Variants in UNC13C observed in about 807,000 individuals in gnomAD.
UNC13C encodes the protein unc-13 homolog C.
UNC13C carries 174 observed loss-of-function variants against 245.4 expected under a neutral mutation model. That is an observed-to-expected ratio of 0.71 (90% CI 0.63 to 0.80). The LOEUF (loss-of-function observed/expected upper bound fraction) is 0.80. Ranked by LOEUF, UNC13C falls within the 30% of genes least tolerant of loss-of-function variation. The pLI is 0.00. For synonymous variants in UNC13C, 992 were observed against 895.1 expected, an observed-to-expected ratio of 1.11 and a Z score of -1.93; for missense variants, 2,829 against 2,602.9, an observed-to-expected ratio of 1.09 and a Z score of -1.89.
At chr15:54,211,519 A>G (rs1279287763) in intron 4 of UNC13C, among the ~76,000 whole-genome samples, 1 of 152,100 alleles carries the variant, frequency 6.6e-6, no homozygotes, top group Non-Finnish European at 1.5e-5. Context: ...GTTTCAAGCT[A>G]TCAATGTGAT....
At chr15:54,392,129 T>C (rs1449826678) in intron 17 of UNC13C, among the ~76,000 whole-genome samples, 1 of 152,222 alleles carries the variant, frequency 6.6e-6, no homozygotes. Context: ...CGAAAATGTA[T>C]CTCTGCCTAT....
intron 18 of UNC13C, among the ~76,000 whole-genome samples, chr15:54,400,411 G>A (rs1349475339): frequency 1.3e-5 from 2 of 151,954 alleles, no homozygotes; most frequent in African/African-American, 4.8e-5. Context: ...AAGAAGCTAT[G>A]TTCATTATCC....
At chr15:54,452,975 A>C (rs2141011289) in intron 19 of UNC13C, among the ~76,000 whole-genome samples, 1 of 152,262 alleles carries the variant, frequency 6.6e-6, no homozygotes, top group East Asian at 1.9e-4. Flanking sequence ...AAGGGTGTGG[A>C]AATGCAGAGG....
chr15:53,839,773 T>C, the UNC13C span, among the ~76,000 whole-genome samples: 2 of 152,196 alleles, frequency 1.3e-5, no homozygotes, highest in Admixed American at 1.3e-4. Context: ...GGATTGATCA[T>C]TGTTGCTCTG....
chr15:54,219,589 A>G (rs62010025), intron 4 of UNC13C, among the ~76,000 whole-genome samples: 45,808 of 137,276 alleles, frequency 0.33, 7,656 homozygotes, highest in African/African-American at 0.51. Context: ...AAAAGCCAAA[A>G]TTGACAAATG....
chr15:54,377,616 C>T (rs1395520043), intron 17 of UNC13C, among the ~76,000 whole-genome samples: 1 of 152,192 alleles, frequency 6.6e-6, no homozygotes, highest in African/African-American at 2.4e-5. Context: ...TTATTTCTCA[C>T]AGTTCTGAGG....
At chr15:53,869,759 C>T in the UNC13C span, among the ~76,000 whole-genome samples, 1 of 152,102 alleles carries the variant, frequency 6.6e-6, no homozygotes, top group Non-Finnish European at 1.5e-5. Flanking sequence ...CGCATTTATT[C>T]AGTATAGATT....
Position 54,013,640 on chromosome 15 carries a change from T to A in UNC13C, c.737T>A (p.Ile246Asn). The change falls in exon 2 of 33, where the codon ATC becomes AAC. Residue 246 changes from isoleucine to asparagine, a missense_variant. Coordinates refer to ENST00000260323, the MANE Select transcript of UNC13C (RefSeq NM_001080534.3). ...ISQTHDVMEM[I>N]FKELQGISQI... Reference sequence around the variant, plus strand: ...CAAACACATGATGTCATGGAAATGATCTTTAAGGAACTTCAGGGAATAAGT... The same window carrying A: ...CAAACACATGATGTCATGGAAATGAACTTTAAGGAACTTCAGGGAATAAGT... 1.2e-6 allele frequency: 2 copies of A among 1,613,760 alleles called. No individual in the cohort carries two copies. The highest frequency in any genetic ancestry group is 1.7e-6 in the Non-Finnish European group (2 of 1,179,818).
intron 10 of UNC13C, among the ~76,000 whole-genome samples, chr15:54,276,873 C>A (rs1340725793): frequency 1.3e-5 from 2 of 151,994 alleles, no homozygotes; most frequent in South Asian, 2.1e-4. Context: ...AAGTTTTGAG[C>A]TACTTAAGGA....
intron 2 of UNC13C, among the ~76,000 whole-genome samples, chr15:54,112,338 T>C (rs564207525): frequency 2.0e-5 from 3 of 152,122 alleles, no homozygotes; most frequent in Non-Finnish European, 4.4e-5. Flanking sequence ...GGTCTTCCAG[T>C]CCCATCGTGA....
chr15:54,577,388 A>G (rs1296104243), intron 30 of UNC13C, among the ~76,000 whole-genome samples: 1 of 152,152 alleles, frequency 6.6e-6, no homozygotes, highest in East Asian at 1.9e-4. Context: ...TGTGCTAGGT[A>G]AATTACCATG....
At chr15:54,196,616 G>A (rs2034361727) in intron 4 of UNC13C, among the ~76,000 whole-genome samples, 1 of 152,040 alleles carries the variant, frequency 6.6e-6, no homozygotes, top group Non-Finnish European at 1.5e-5. Flanking sequence ...TTGTATAAAA[G>A]ACAATATATC....
chr15:53,858,130 T>C, the UNC13C span, among the ~76,000 whole-genome samples: 1 of 152,198 alleles, frequency 6.6e-6, no homozygotes, highest in African/African-American at 2.4e-5. Flanking sequence ...TTTCTTCATT[T>C]TTGATATGTA....
chr15:54,040,946 C>T (rs115674997), intron 2 of UNC13C, among the ~76,000 whole-genome samples: 1,824 of 152,316 alleles, frequency 0.012, 43 homozygotes, highest in African/African-American at 0.042. Flanking sequence ...ACCAACCCAG[C>T]ATACCCAATT....
chr15:54,539,609 C>T (rs1896153310), intron 26 of UNC13C, among the ~76,000 whole-genome samples: 1 of 152,044 alleles, frequency 6.6e-6, no homozygotes, highest in Non-Finnish European at 1.5e-5. Flanking sequence ...GATCCCAATT[C>T]ACTTCAACCT....
Position 54,533,034 on chromosome 15 carries a change from G to T in UNC13C, c.5664G>T (p.Val1888=). The change falls in exon 26 of 33, where the codon GTG becomes GTT. Residue 1888 remains valine (V), a synonymous_variant. Transcript: ENST00000260323. ...GTGCAGCAATGGATGCAGAGATTGTGTTAAGATCTCTTATGGATTTTTTGG... is the reference window on the plus strand; with the variant it reads ...GTGCAGCAATGGATGCAGAGATTGTTTTAAGATCTCTTATGGATTTTTTGG... The part of the protein sequence containing the change: ...KNSAAMDAEI[V]LRSLMDFLDK... 1 of 1,596,676 alleles carries T rather than the reference G, an allele frequency of 6.3e-7. No homozygotes were observed.
intron 4 of UNC13C, among the ~76,000 whole-genome samples, chr15:54,159,689 A>G (rs1375358249): frequency 2.0e-5 from 3 of 152,214 alleles, no homozygotes; most frequent in Non-Finnish European, 4.4e-5. Context: ...TATAAGGCTC[A>G]TGGGGATAAT....
At chr15:54,381,147 A>G (rs1205921201) in intron 17 of UNC13C, among the ~76,000 whole-genome samples, 1 of 152,178 alleles carries the variant, frequency 6.6e-6, no homozygotes, top group Non-Finnish European at 1.5e-5. Context: ...CTGGTGTCAA[A>G]TAAGGGTATA....
At chr15:54,051,762 C>CTTT (rs146812288) in intron 2 of UNC13C, among the ~76,000 whole-genome samples, 1 of 145,342 alleles carries the variant, frequency 6.9e-6, no homozygotes, top group Non-Finnish European at 1.5e-5. Context: ...TTCTTTCTTT[C>CTTT]TTTTTTTTTT....
Sources: gnomAD v4.1 joint callset for allele counts (sites outside exome capture counted in the v4.1 genomes callset) on GRCh38, gnomAD v4.1.1 for gene constraint, MANE v1.5 for transcripts, NCBI Gene and HGNC (gene_info 2026-07-23, HGNC 2026-07-21) for gene names.